ERBB4: variants seen among roughly 807,000 people sequenced by gnomAD.
ERBB4 encodes the protein receptor tyrosine-protein kinase erbB-4.
In ERBB4, 42 loss-of-function variants were observed where a neutral mutation model predicts 158.0. The ratio of observed to expected loss-of-function variants is 0.27; its 90% confidence interval spans 0.21 to 0.34. ERBB4 has a LOEUF of 0.34. Among genes scored for constraint, ERBB4 ranks in the 10% least tolerant of loss-of-function variants. The pLI is 1.00. For synonymous variants in ERBB4, 583 were observed against 558.7 expected (o/e 1.04, Z -0.61); for missense variants, 1,333 against 1,624.1 (o/e 0.82, Z 3.08).
chr2:212,510,558 T>C (rs949165953), intron 1 of ERBB4, among the ~76,000 whole-genome samples: 12 of 152,014 alleles, frequency 7.9e-5, no homozygotes, highest in Admixed American at 7.9e-4. Context: ...ACAATTAAAC[T>C]TTAAATAAAA....
chr2:212,167,013 A>G (rs558288714), intron 1 of ERBB4, among the ~76,000 whole-genome samples: 1 of 152,298 alleles, frequency 6.6e-6, no homozygotes, highest in South Asian at 2.1e-4. Context: ...TGGCAATACC[A>G]TTCAGGACAT....
At chr2:211,745,536 G>A (rs2074939120) in intron 5 of ERBB4, among the ~76,000 whole-genome samples, 1 of 152,032 alleles carries the variant, frequency 6.6e-6, no homozygotes, top group Non-Finnish European at 1.5e-5. Flanking sequence ...CTGGCCTACA[G>A]GAGTTTGCCT....
At chr2:212,071,670 T>C (rs896300169) in intron 2 of ERBB4, among the ~76,000 whole-genome samples, 5 of 152,030 alleles carry the variant, frequency 3.3e-5, no homozygotes, top group Non-Finnish European at 7.4e-5. Flanking sequence ...ATGTACAAAG[T>C]ATCTCATTTG....
intron 19 of ERBB4, among the ~76,000 whole-genome samples, chr2:211,574,357 G>A (rs2067829953): frequency 6.6e-6 from 1 of 152,096 alleles, no homozygotes; most frequent in South Asian, 2.1e-4. Flanking sequence ...GTAGATTTTG[G>A]CATTATAAGA....
chr2:211,695,192 T>G (rs1168316033), intron 12 of ERBB4, among the ~76,000 whole-genome samples: 2 of 152,196 alleles, frequency 1.3e-5, no homozygotes, highest in East Asian at 3.9e-4. Context: ...ATTAACTCTT[T>G]GGCCTGCTTC....
chr2:211,622,518 A>G (rs112284847), intron 18 of ERBB4, among the ~76,000 whole-genome samples: 1,993 of 152,278 alleles, frequency 0.013, 58 homozygotes, highest in African/African-American at 0.046. Flanking sequence ...GAGAAAAATT[A>G]AGGTTTATAT....
At chr2:211,716,929 T>C (rs1218895731) in intron 7 of ERBB4, among the ~76,000 whole-genome samples, 1 of 152,186 alleles carries the variant, frequency 6.6e-6, no homozygotes, top group African/African-American at 2.4e-5. Flanking sequence ...ACAAGTCAGG[T>C]AATTTCACAC....
chr2:211,640,079 A>G (rs1041781365), intron 16 of ERBB4, among the ~76,000 whole-genome samples: 1 of 152,032 alleles, frequency 6.6e-6, no homozygotes, highest in Non-Finnish European at 1.5e-5. Flanking sequence ...TTGATAGTCA[A>G]TTCTGTATAT....
At chr2:211,694,134 A>C (rs1014214229) in intron 12 of ERBB4, among the ~76,000 whole-genome samples, 1 of 152,238 alleles carries the variant, frequency 6.6e-6, no homozygotes, top group South Asian at 2.1e-4. Flanking sequence ...CCTATTCCCA[A>C]ATATGGTCAC....
At chr2:211,916,711 A>G (rs540114549) in intron 3 of ERBB4, among the ~76,000 whole-genome samples, 3 of 152,266 alleles carry the variant, frequency 2.0e-5, no homozygotes, top group African/African-American at 7.2e-5. Flanking sequence ...TATTGCTTGT[A>G]TGTATGTGAA....
chr2:211,841,237 TG>T (rs1315894693), intron 3 of ERBB4, among the ~76,000 whole-genome samples: 1 of 152,104 alleles, frequency 6.6e-6, no homozygotes, highest in Non-Finnish European at 1.5e-5. Flanking sequence ...GTTTCCAATG[TG>T]CTATATTTGT....
intron 20 of ERBB4, among the ~76,000 whole-genome samples, chr2:211,433,453 C>T (rs547368273): frequency 7.2e-5 from 11 of 151,870 alleles, no homozygotes; most frequent in East Asian, 3.9e-4. Flanking sequence ...TGATGGTGGG[C>T]GCCTGTAGTC....
intron 12 of ERBB4, among the ~76,000 whole-genome samples, chr2:211,691,267 T>C (rs1272013273): frequency 6.6e-6 from 1 of 152,158 alleles, no homozygotes; most frequent in Non-Finnish European, 1.5e-5. Flanking sequence ...AAGTGAACAG[T>C]AATATCTTCT....
At chr2:211,765,350 T>G (rs915998757) in intron 4 of ERBB4, among the ~76,000 whole-genome samples, 2 of 152,162 alleles carry the variant, frequency 1.3e-5, no homozygotes, top group African/African-American at 4.8e-5. Flanking sequence ...GTAGGAGGGA[T>G]AGGAAGAGAG....
chr2:211,900,791 G>A lies in ERBB4; in HGVS notation c.421+46639C>T, dbSNP rs923149460. Among the ~76,000 whole-genome samples, 7 of 152,026 alleles carry A rather than the reference G, an allele frequency of 4.6e-5. 1 individual carries two copies. The highest frequency in any genetic ancestry group is 1.7e-4 in the African/African-American group (7 of 41,396). On this transcript the variant is annotated intron_variant, in intron 3 of 27. Coordinates refer to ENST00000342788, the MANE Select transcript of ERBB4 (RefSeq NM_005235.3). ...TAACCCAGTTTATTTACTAGATACT[G>A]GCAATGCCTCCTTTCAGAAATGTAA... is the stretch of plus-strand genomic sequence containing the variant.
chr2:211,958,930 G>C (rs1396888117), intron 2 of ERBB4, among the ~76,000 whole-genome samples: 1 of 151,804 alleles, frequency 6.6e-6, no homozygotes, highest in African/African-American at 2.4e-5. Context: ...CCTTCTCTTA[G>C]GTGCCTTCTC....
intron 19 of ERBB4, among the ~76,000 whole-genome samples, chr2:211,572,721 C>G (rs190212024): frequency 3.2e-4 from 49 of 152,312 alleles, no homozygotes; most frequent in South Asian, 2.1e-4. Flanking sequence ...CCTGCTCCTA[C>G]TTTTATAAAG....
intron 4 of ERBB4, among the ~76,000 whole-genome samples, chr2:211,758,763 C>T (rs2075341325): frequency 6.6e-6 from 1 of 152,180 alleles, no homozygotes; most frequent in Non-Finnish European, 1.5e-5. Flanking sequence ...TACATGATAA[C>T]CCTTGGAGGT....
chr2:212,453,004 G>A (rs1425759870), intron 1 of ERBB4, among the ~76,000 whole-genome samples: 8 of 152,030 alleles, frequency 5.3e-5, no homozygotes, highest in Non-Finnish European at 8.8e-5. Context: ...ACCCTACAAT[G>A]AGATAAAACA....
Sources: gnomAD v4.1 joint callset for allele counts (sites outside exome capture counted in the v4.1 genomes callset) on GRCh38, gnomAD v4.1.1 for gene constraint, MANE v1.5 for transcripts, NCBI Gene and HGNC (gene_info 2026-07-23, HGNC 2026-07-21) for gene names.